The following NRXN1 variants were observed in gnomAD, a reference collection of about 807,000 sequenced individuals.
NRXN1 encodes the protein neurexin 1.
A neutral mutation model predicts 150.9 loss-of-function variants in NRXN1; 39 were observed. The observed-to-expected ratio is 0.26, with a 90% CI of 0.20 to 0.34. The LOEUF is 0.34. Among genes scored for constraint, NRXN1 ranks in the 10% least tolerant of loss-of-function variants. NRXN1 has a pLI of 1.00. For missense variants in NRXN1, 1,815 were observed against 1,949.9 expected (o/e 0.93, Z 1.30); for synonymous variants, 924 against 757.0 (o/e 1.22, Z -3.62).
At chr2:50,756,962 T>C (rs1394510517) in intron 5 of NRXN1, among the ~76,000 whole-genome samples, 1 of 151,846 alleles carries the variant, frequency 6.6e-6, no homozygotes, top group Non-Finnish European at 1.5e-5. Flanking sequence ...AAAACGGCTG[T>C]GTTGCTGTGG....
chr2:50,190,509 A>C (rs1381741756), intron 18 of NRXN1, among the ~76,000 whole-genome samples: 2 of 152,112 alleles, frequency 1.3e-5, no homozygotes, highest in Non-Finnish European at 2.9e-5. Context: ...TGATAGCTTA[A>C]TGATCTTTAA....
intron 18 of NRXN1, among the ~76,000 whole-genome samples, chr2:50,202,079 CA>C (rs2152834411): frequency 6.6e-6 from 1 of 152,274 alleles, no homozygotes. Context: ...GGGGGAAACA[CA>C]TTTGTTCACA....
intron 5 of NRXN1, among the ~76,000 whole-genome samples, chr2:50,876,316 T>C (rs1678583829): frequency 6.6e-6 from 1 of 151,640 alleles, no homozygotes; most frequent in Non-Finnish European, 1.5e-5. Flanking sequence ...GACACCATTA[T>C]CATGATGAAA....
At chr2:50,115,219 A>G (rs573009827) in intron 18 of NRXN1, among the ~76,000 whole-genome samples, 1,517 of 78,866 alleles carry the variant, frequency 0.019, 29 homozygotes, top group African/African-American at 0.062. Flanking sequence ...TGTTATGTGT[A>G]TATATATATA....
chr2:50,069,142 G>C lies in NRXN1; in HGVS notation c.3719-14098C>G, dbSNP rs541341644. Among the ~76,000 whole-genome samples, 103 of 152,266 alleles carry C rather than the reference G, an allele frequency of 6.8e-4. 2 individuals carry two copies. In the South Asian group the frequency reaches 0.02, roughly 30 times the overall value. ...GCTGTTCCCAGAATAAGAATACTTT[G>C]GATAGCAATGAAGTCTTAAAATGAC... On this transcript the variant is annotated intron_variant, in intron 19 of 22. Coordinates refer to ENST00000401669, the MANE Select transcript of NRXN1 (RefSeq NM_001330078.2).
intron 21 of NRXN1, among the ~76,000 whole-genome samples, chr2:50,053,064 C>T (rs897552367): frequency 1.3e-5 from 2 of 152,122 alleles, no homozygotes; most frequent in Non-Finnish European, 2.9e-5. Flanking sequence ...AAAACAAAAT[C>T]TTTTGTAAAA....
chr2:50,451,177 C>G (rs1463843435), intron 17 of NRXN1, among the ~76,000 whole-genome samples: 1 of 152,146 alleles, frequency 6.6e-6, no homozygotes, highest in Non-Finnish European at 1.5e-5. Context: ...CCATGTTGAC[C>G]AGGCTGGTCT....
At chr2:50,433,252 T>G (rs577030259) in intron 17 of NRXN1, among the ~76,000 whole-genome samples, 1 of 152,334 alleles carries the variant, frequency 6.6e-6, no homozygotes, top group South Asian at 2.1e-4. Flanking sequence ...TAATAGAAAT[T>G]CATTACTGTT....
At chr2:50,730,363 T>C (rs753354655) in intron 5 of NRXN1, among the ~76,000 whole-genome samples, 4 of 152,160 alleles carry the variant, frequency 2.6e-5, no homozygotes, top group Admixed American at 1.3e-4. Flanking sequence ...TAAAATACCA[T>C]GTCTCCAGAA....
chr2:50,098,858 T>TGG (rs1700626782), intron 18 of NRXN1, among the ~76,000 whole-genome samples: 3 of 29,138 alleles, frequency 1.0e-4, no homozygotes, highest in African/African-American at 4.2e-4. Flanking sequence ...TTTTTTTTTT[T>TGG]TTTTTTTTTT....
intron 18 of NRXN1, among the ~76,000 whole-genome samples, chr2:50,171,227 C>T (rs954006933): frequency 3.2e-5 from 4 of 126,938 alleles, no homozygotes; most frequent in Non-Finnish European, 6.5e-5. Flanking sequence ...CTGTATTGTT[C>T]AAGACTCAAG....
chr2:50,624,544 G>A (rs1035081755), intron 5 of NRXN1, among the ~76,000 whole-genome samples: 1 of 152,034 alleles, frequency 6.6e-6, no homozygotes, highest in East Asian at 1.9e-4. Context: ...AAATTATCTG[G>A]TAAGGAGAAA....
intron 18 of NRXN1, among the ~76,000 whole-genome samples, chr2:50,216,254 A>T (rs1162247334): frequency 6.6e-6 from 1 of 151,978 alleles, no homozygotes; most frequent in Non-Finnish European, 1.5e-5. Context: ...TAAATACTTC[A>T]GTGTCAAATG....
At chr2:50,377,082 A>C (rs1400010240) in intron 17 of NRXN1, among the ~76,000 whole-genome samples, 1 of 150,898 alleles carries the variant, frequency 6.6e-6, no homozygotes, top group African/African-American at 2.4e-5. Flanking sequence ...TCTTTCTCCC[A>C]TTTTTTTCTT....
intron 2 of NRXN1, among the ~76,000 whole-genome samples, chr2:51,013,727 T>C (rs1274429751): frequency 2.0e-5 from 3 of 152,062 alleles, no homozygotes; most frequent in African/African-American, 4.8e-5. Flanking sequence ...CCACCACTTC[T>C]GCTGACCTGT....
At chr2:50,951,188 C>A (rs2104585386) in intron 2 of NRXN1, among the ~76,000 whole-genome samples, 1 of 152,158 alleles carries the variant, frequency 6.6e-6, no homozygotes, top group South Asian at 2.1e-4. Flanking sequence ...TGGGGGCAAC[C>A]TGAGGGACAA....
chr2:50,791,708 C>T (rs1479384225), intron 5 of NRXN1, among the ~76,000 whole-genome samples: 1 of 152,148 alleles, frequency 6.6e-6, no homozygotes, highest in Non-Finnish European at 1.5e-5. Flanking sequence ...ATTATACTCC[C>T]TGGCTGTGGT....
intron 5 of NRXN1, among the ~76,000 whole-genome samples, chr2:50,736,404 G>T (rs4971692): frequency 0.13 from 19,420 of 151,994 alleles, 1,789 homozygotes; most frequent in East Asian, 0.3. Context: ...AATTTTGTGT[G>T]TGTTTGTGGA....
At chr2:50,575,329 T>A (rs1038456764) in intron 8 of NRXN1, among the ~76,000 whole-genome samples, 1 of 152,138 alleles carries the variant, frequency 6.6e-6, no homozygotes, top group Admixed American at 6.5e-5. Context: ...GAAATTCAGT[T>A]GTGGGCATAA....
Sources: gnomAD v4.1 joint callset for allele counts (sites outside exome capture counted in the v4.1 genomes callset) on GRCh38, gnomAD v4.1.1 for gene constraint, MANE v1.5 for transcripts, NCBI Gene and HGNC (gene_info 2026-07-23, HGNC 2026-07-21) for gene names.